The following TTLL5 variants were observed in gnomAD, a reference collection of about 807,000 sequenced individuals.
The protein encoded by TTLL5 is tubulin polyglutamylase TTLL5.
TTLL5 carries 132 observed loss-of-function variants against 168.4 expected under a neutral mutation model. The observed-to-expected ratio is 0.78, with a 90% CI of 0.68 to 0.91. TTLL5 has a LOEUF of 0.91. Ranked by LOEUF, TTLL5 falls within the 40% of genes least tolerant of loss-of-function variation. The pLI, the probability that TTLL5 is intolerant of heterozygous loss-of-function variation, is 0.00. For synonymous variants in TTLL5, 546 were observed against 558.6 expected, an observed-to-expected ratio of 0.98 and a Z score of 0.32; for missense variants, 1,545 against 1,581.5, an observed-to-expected ratio of 0.98 and a Z score of 0.39.
rs1044069327 is a variant in TTLL5 at position 75,836,093 on chromosome 14, G to T, written c.3326+15932G>T. Among the ~76,000 whole-genome samples the T allele has an allele frequency of 1.1e-4, 16 of 152,298 alleles. 1 individual carries two copies. The East Asian group carries it at 2.9e-3, about 28-fold the overall frequency. ...ATATTGAAGAGATATGTGCACTCCT[G>T]TGTTTGTTGCTGCACTGTTCACAAT... On this transcript the variant is annotated intron_variant, in intron 28 of 31. Transcript: ENST00000298832.
chr14:75,806,215 G>T (rs1331013927), intron 27 of TTLL5, among the ~76,000 whole-genome samples: 2 of 152,144 alleles, frequency 1.3e-5, no homozygotes, highest in East Asian at 3.9e-4. Context: ...ATTTTTAGTA[G>T]AGATGGGGTT....
At chr14:75,937,068 CATAAA>C (rs1165083903) in intron 31 of TTLL5, among the ~76,000 whole-genome samples, 1 of 151,878 alleles carries the variant, frequency 6.6e-6, no homozygotes, top group Non-Finnish European at 1.5e-5. Flanking sequence ...ATATATGTAA[CATAAA>C]ATGTGCTGTT....
At chr14:75,897,044 A>G (rs1393924424) in intron 30 of TTLL5, among the ~76,000 whole-genome samples, 1 of 152,212 alleles carries the variant, frequency 6.6e-6, no homozygotes, top group African/African-American at 2.4e-5. Context: ...TCCCTATAAG[A>G]TGAAATACAG....
At chr14:75,772,841 A>ATC (rs1641530213) in intron 21 of TTLL5, among the ~76,000 whole-genome samples, 1 of 151,880 alleles carries the variant, frequency 6.6e-6, no homozygotes, top group Admixed American at 6.6e-5. Flanking sequence ...CTAATTTTGT[A>ATC]TTTTAAGTAG....
At chr14:75,745,466 C>T in intron 16 of TTLL5, 24 bp from the exon 17 acceptor site, 1 of 1,610,284 alleles carries the variant, frequency 6.2e-7, no homozygotes, top group African/African-American at 1.3e-5. Flanking sequence ...AATAGGTACT[C>T]ATTTTATCTT....
intron 30 of TTLL5, among the ~76,000 whole-genome samples, chr14:75,886,415 T>C (rs1222070483): frequency 6.6e-6 from 1 of 152,198 alleles, no homozygotes; most frequent in East Asian, 1.9e-4. Flanking sequence ...CCCTACTGAA[T>C]AATTAACCAA....
At chr14:75,694,836 C>T (rs1399832143) in intron 6 of TTLL5, among the ~76,000 whole-genome samples, 2 of 152,208 alleles carry the variant, frequency 1.3e-5, no homozygotes, top group African/African-American at 4.8e-5. Flanking sequence ...AATCAATACT[C>T]TTGTGATTTC....
At chr14:75,710,550 T>G (rs1296786407) in intron 9 of TTLL5, 1 of 152,102 alleles carries the variant, frequency 6.6e-6, no homozygotes, top group Non-Finnish European at 1.5e-5. Flanking sequence ...TACCTGAAAG[T>G]GTAGGTGAAT....
intron 2 of TTLL5, among the ~76,000 whole-genome samples, chr14:75,667,763 T>A (rs929101707): frequency 3.5e-5 from 5 of 144,662 alleles, no homozygotes; most frequent in African/African-American, 1.0e-4. Flanking sequence ...TTTTTTTTTT[T>A]TTTTTTTTTT....
At chr14:75,919,017 A>G (rs546519175) in intron 31 of TTLL5, among the ~76,000 whole-genome samples, 23 of 151,816 alleles carry the variant, frequency 1.5e-4, no homozygotes, top group Non-Finnish European at 2.6e-4. Context: ...CCTAGCCAAC[A>G]TGGTGAAACC....
rs767367069 is a variant in TTLL5 at position 75,775,609 on chromosome 14, C to T, written c.2262C>T (p.Asp754=). The change falls in exon 22 of 32, where the codon GAC becomes GAT. Residue 754 remains aspartate, a synonymous_variant. Transcript: ENST00000298832. Reference sequence around the variant, plus strand: ...GAATCCTGGCCCACCAGCTGGGTGACTTTATCATTGTATACAACAAGGTAA... The same window carrying T: ...GAATCCTGGCCCACCAGCTGGGTGATTTTATCATTGTATACAACAAGGTAA... ...RRRILAHQLG[D]FIIVYNKETE... is the part of the protein sequence containing the mutation. The T allele has an allele frequency of 7.2e-5, 116 of 1,614,062 alleles. No individual in the cohort carries two copies. In the East Asian group the frequency reaches 1.9e-3, roughly 27 times the overall value.
intron 12 of TTLL5, among the ~76,000 whole-genome samples, chr14:75,725,792 C>G (rs1393194418): frequency 2.6e-5 from 4 of 152,268 alleles, no homozygotes; most frequent in Admixed American, 1.3e-4. Context: ...TTAAGCATAC[C>G]CAGTCCTAAA....
intron 25 of TTLL5, among the ~76,000 whole-genome samples, 184 bp from the exon 26 acceptor site, chr14:75,782,963 G>C (rs192405458): frequency 3.9e-5 from 6 of 152,112 alleles, no homozygotes; most frequent in Admixed American, 3.9e-4. Context: ...TCTGTTGCCA[G>C]GTTGTTTCTG....
At chr14:75,840,680 T>G (rs1450235622) in intron 28 of TTLL5, among the ~76,000 whole-genome samples, 1 of 152,126 alleles carries the variant, frequency 6.6e-6, no homozygotes, top group Non-Finnish European at 1.5e-5. Context: ...GTTAAGGCAT[T>G]CTATAGGGTT....
chr14:75,880,848 T>C (rs2031770345), intron 29 of TTLL5, among the ~76,000 whole-genome samples: 2 of 152,182 alleles, frequency 1.3e-5, no homozygotes, highest in Admixed American at 6.5e-5. Context: ...AACCTCCCCA[T>C]GTGTACATGC....
Position 75,681,550 on chromosome 14 carries a change from T to C in TTLL5, c.187T>C (p.Tyr63His). The change falls in exon 4 of 32, where the codon TAT (tyrosine) becomes CAT (histidine). Residue 63 changes from tyrosine to histidine, a missense_variant. By Grantham distance (83) the Tyr-to-His change is moderately conservative (BLOSUM62 2). Coordinates refer to ENST00000298832, the MANE Select transcript of TTLL5 (RefSeq NM_015072.5). ...DNNIRVIGER[Y>H]HLSYKIVRTD... ...TTGATTCTGTTTTTCTTTAGAACGT[T>C]ATCATTTGTCTTATAAGATTGTACG... is the stretch of plus-strand genomic sequence containing the variant. 1 of 1,613,062 alleles carries C rather than the reference T, an allele frequency of 6.2e-7. No individual in the cohort carries two copies.
At chr14:75,671,177 G>T (rs181220869) in intron 3 of TTLL5, among the ~76,000 whole-genome samples, 3 of 152,300 alleles carry the variant, frequency 2.0e-5, no homozygotes, top group Admixed American at 1.3e-4. Context: ...TTCCCCACTG[G>T]ATGGTCTTGG....
At chr14:75,910,878 A>G (rs2033350479) in intron 31 of TTLL5, among the ~76,000 whole-genome samples, 1 of 152,218 alleles carries the variant, frequency 6.6e-6, no homozygotes, top group South Asian at 2.1e-4. Context: ...AAACTAAAAC[A>G]GTAGTCTCTT....
At position 75,869,821 on chromosome 14, in the gene TTLL5, A is replaced by ATTTTTTTTTTTTTTTTTTTTT. The variant is rs10658095; in HGVS notation, c.3522+5975_3522+5976insTTTTTTTTTTTTTTTTTTTTT. On this transcript the variant is annotated intron_variant, in intron 29 of 31. Transcript: ENST00000298832. The stretch of plus-strand genomic sequence containing the variant: ...CTTGCAATGTATACATTCAACAAGT[A>ATTTTTTTTTTTTTTTTTTTTT]TTTTTTTTTTTTTTTTGCGATGGAG... Among the ~76,000 whole-genome samples the ATTTTTTTTTTTTTTTTTTTTT allele has an allele frequency of 7.6e-4, 63 of 82,422 alleles. 13 individuals carry two copies. The highest frequency in any genetic ancestry group is 8.6e-4 in the East Asian group (2 of 2,318). The allele number at this position is 82,422 out of a possible 152,430, so 54.1% of individuals were successfully genotyped here.
Sources: gnomAD v4.1 joint callset for allele counts (sites outside exome capture counted in the v4.1 genomes callset) on GRCh38, gnomAD v4.1.1 for gene constraint, MANE v1.5 for transcripts, NCBI Gene and HGNC (gene_info 2026-07-23, HGNC 2026-07-21) for gene names.